The following CADM2 variants were observed in gnomAD, a reference collection of about 807,000 sequenced individuals.
CADM2 encodes the protein cell adhesion molecule 2.
Under a neutral mutation model 49.8 loss-of-function variants are expected in CADM2, and 12 were observed. The observed-to-expected ratio is 0.24, with a 90% CI of 0.15 to 0.39. The LOEUF is 0.39. Ranked by LOEUF, CADM2 falls within the 10% of genes least tolerant of loss-of-function variation. The pLI, the probability that CADM2 is intolerant of heterozygous loss-of-function variation, is 1.00. For synonymous variants in CADM2, 214 were observed against 175.4 expected (o/e 1.22, Z -1.74); for missense variants, 378 against 492.3 (o/e 0.77, Z 2.20).
chr3:85,532,457 A>G (rs1490037747), intron 1 of CADM2, among the ~76,000 whole-genome samples: 1 of 152,150 alleles, frequency 6.6e-6, no homozygotes, highest in East Asian at 1.9e-4. Flanking sequence ...ATCTTTAAAT[A>G]CCCCAGTAAA....
At chr3:85,893,634 T>C (rs55897676) in intron 5 of CADM2, among the ~76,000 whole-genome samples, 1,767 of 151,978 alleles carry the variant, frequency 0.012, 43 homozygotes, top group African/African-American at 0.04. Context: ...TACAATGAAC[T>C]CAAACAAATT....
intron 3 of CADM2, among the ~76,000 whole-genome samples, chr3:85,859,224 C>CTTTTTTTTTTTT (rs397990427): frequency 3.4e-4 from 24 of 70,596 alleles, no homozygotes; most frequent in East Asian, 5.3e-4. Context: ...TTTTTTTTGT[C>CTTTTTTTTTTTT]TTTTTTTTTT....
chr3:85,922,955 G>T (rs979711576), intron 6 of CADM2, among the ~76,000 whole-genome samples: 1 of 151,480 alleles, frequency 6.6e-6, no homozygotes, highest in Non-Finnish European at 1.5e-5. Flanking sequence ...CTGAGTAGCT[G>T]GGACTATAGG....
At chr3:85,341,186 T>C (rs2045230815) in intron 1 of CADM2, among the ~76,000 whole-genome samples, 1 of 151,852 alleles carries the variant, frequency 6.6e-6, no homozygotes, top group South Asian at 2.1e-4. Context: ...AGCATATTTG[T>C]TTAATCTGAT....
intron 3 of CADM2, among the ~76,000 whole-genome samples, chr3:85,868,276 G>T (rs1215131809): frequency 6.6e-6 from 1 of 151,736 alleles, no homozygotes; most frequent in Admixed American, 6.6e-5. Context: ...TATTATAAAA[G>T]TTTTCAGGCT....
chr3:85,062,837 T>A (rs570104018), intron 1 of CADM2, among the ~76,000 whole-genome samples: 66 of 152,074 alleles, frequency 4.3e-4, no homozygotes, highest in Non-Finnish European at 7.8e-4. Context: ...TAAAATTACA[T>A]CTCAGCCTTA....
At chr3:85,705,795 T>C (rs899285330) in intron 1 of CADM2, among the ~76,000 whole-genome samples, 2 of 152,232 alleles carry the variant, frequency 1.3e-5, no homozygotes, top group Non-Finnish European at 1.5e-5. Context: ...AAGAAGTTAA[T>C]TGGAGTCTAC....
intron 7 of CADM2, among the ~76,000 whole-genome samples, chr3:85,945,510 A>T (rs1722557351): frequency 1.3e-5 from 2 of 152,130 alleles, no homozygotes; most frequent in Admixed American, 6.6e-5. Context: ...CCTGATGAAA[A>T]TCAATGCAAA....
chr3:85,788,371 C>T (rs1043761537), intron 2 of CADM2, among the ~76,000 whole-genome samples: 1 of 151,906 alleles, frequency 6.6e-6, no homozygotes, highest in Non-Finnish European at 1.5e-5. Flanking sequence ...TATATCTATG[C>T]CATTTTGAAA....
intron 1 of CADM2, among the ~76,000 whole-genome samples, chr3:85,408,846 T>A (rs895088856): frequency 6.6e-6 from 1 of 152,184 alleles, no homozygotes. Context: ...AATACAATAA[T>A]CTTTCCATAA....
chr3:85,146,545 A>G (rs1458266435), intron 1 of CADM2, among the ~76,000 whole-genome samples: 3 of 152,226 alleles, frequency 2.0e-5, no homozygotes, highest in Non-Finnish European at 4.4e-5. Flanking sequence ...ACTAATGTTG[A>G]ATATTCTTCA....
chr3:85,295,171 C>A (rs1296575556), intron 1 of CADM2, among the ~76,000 whole-genome samples: 2 of 152,108 alleles, frequency 1.3e-5, no homozygotes, highest in African/African-American at 4.8e-5. Context: ...ATTTATGCAG[C>A]CAAAAAACAC....
intron 5 of CADM2, 129 bp downstream of exon 5, chr3:85,886,456 T>C: frequency 4.7e-6 from 3 of 638,222 alleles, no homozygotes; most frequent in Non-Finnish European, 8.0e-6. Flanking sequence ...TTGAACCAGA[T>C]TTACCCATTC....
At chr3:85,491,229 G>T (rs561271671) in intron 1 of CADM2, among the ~76,000 whole-genome samples, 41 of 152,286 alleles carry the variant, frequency 2.7e-4, no homozygotes, top group African/African-American at 9.9e-4. Context: ...AGCAGTGAAA[G>T]TATAGAATAT....
chr3:85,076,031 TTTTAGA>T (rs2036927316), intron 1 of CADM2, among the ~76,000 whole-genome samples: 1 of 151,938 alleles, frequency 6.6e-6, no homozygotes, highest in Admixed American at 6.6e-5. Flanking sequence ...ACTGTATATC[TTTTAGA>T]AGAAAATGTT....
chr3:85,741,764 C>T (rs2068402792), intron 2 of CADM2, among the ~76,000 whole-genome samples: 1 of 152,188 alleles, frequency 6.6e-6, no homozygotes, highest in African/African-American at 2.4e-5. Context: ...ATACTTGTTA[C>T]TCCACCCATT....
chr3:85,395,096 G>A (rs1193086730), intron 1 of CADM2, among the ~76,000 whole-genome samples: 1 of 151,372 alleles, frequency 6.6e-6, no homozygotes, highest in Non-Finnish European at 1.5e-5. Flanking sequence ...GCACGCCTGG[G>A]ATACATAGGG....
At chr3:85,325,621 C>T (rs1390331608) in intron 1 of CADM2, among the ~76,000 whole-genome samples, 3 of 144,340 alleles carry the variant, frequency 2.1e-5, no homozygotes, top group African/African-American at 7.7e-5. Flanking sequence ...ACCTGGGAGG[C>T]GGAGGTTGCA....
intron 1 of CADM2, among the ~76,000 whole-genome samples, chr3:85,349,254 T>C (rs1453923986): frequency 6.6e-6 from 1 of 152,214 alleles, no homozygotes; most frequent in Non-Finnish European, 1.5e-5. Context: ...TAACCATAAG[T>C]GAAAGAGTTA....
Sources: allele counts gnomAD v4.1 joint callset (sites outside exome capture counted in the v4.1 genomes callset), GRCh38; gene constraint gnomAD v4.1.1; transcripts MANE v1.5; gene names NCBI Gene and HGNC (gene_info 2026-07-23, HGNC 2026-07-21).